PCDH8: variants seen among roughly 807,000 people sequenced by gnomAD.
PCDH8 encodes protocadherin-8.
In PCDH8, 36 loss-of-function variants were observed where a neutral mutation model predicts 58.2. The observed-to-expected ratio is 0.62, with a 90% confidence interval of 0.47 to 0.82. The LOEUF (loss-of-function observed/expected upper bound fraction) is 0.82, where lower values mean the gene tolerates loss of function less well. Among genes scored for constraint, PCDH8 ranks in the 40% least tolerant of loss-of-function variants. The pLI is 0.00. For missense variants in PCDH8, 1,493 were observed against 1,567.8 expected, an observed-to-expected ratio of 0.95 and a Z score of 0.81; for synonymous variants, 775 against 728.9, an observed-to-expected ratio of 1.06 and a Z score of -1.02.
chr13:52,845,758 C>G (rs1356708966), intron 1 of PCDH8, 48 bp downstream of exon 1: 1 of 1,503,230 alleles, frequency 6.7e-7, no homozygotes, highest in Non-Finnish European at 8.8e-7. Flanking sequence ...TTCCCCCAGC[C>G]TGTCCGCGGA....
chr13:52,848,077 G>T lies in PCDH8; in HGVS notation c.360C>A (p.His120Gln), dbSNP rs199588323. 3 of 1,612,616 alleles carry T rather than the reference G, an allele frequency of 1.9e-6. No homozygotes were observed. Among genetic ancestry groups the T allele is most frequent in the Non-Finnish European group, 8.5e-7 (1 of 1,179,742 alleles). The change falls in exon 1 of 3, where the codon CAC (histidine) becomes CAA (glutamine). Residue 120 changes from histidine to glutamine, a missense_variant. Physicochemically the swap from His to Gln is conservative, Grantham distance 24. Transcript: ENST00000377942. ...TGACGTCCCTCACCTCTACCTCCAC[G>T]TGCACCAGCCGGAACTGCTCCTGCG... Reference protein sequence around the residue: ...SFSQEQFRLVHVEVEVRDVND... With the variant: ...SFSQEQFRLVQVEVEVRDVND...
chr13:52,845,750 C>A, intron 1 of PCDH8, 56 bp downstream of exon 1: 4 of 1,506,266 alleles, frequency 2.7e-6, no homozygotes, highest in Non-Finnish European at 2.6e-6. Context: ...AGTCTCCCTT[C>A]CCCCAGCCTG....
intron 1 of PCDH8, 22 bp downstream of exon 1, chr13:52,845,783 GC>G: frequency 6.7e-7 from 1 of 1,495,528 alleles, no homozygotes. Context: ...GGAGGGGGGC[GC>G]CCAGCCGAAG....
In PCDH8 at chr13:52,847,371, T is replaced by C; in HGVS notation, c.1066A>G (p.Ile356Val). 6.6e-7 allele frequency: 1 copy of C among 1,515,552 alleles called. No homozygotes were observed. The highest frequency in any genetic ancestry group is 1.7e-4 in the Middle Eastern group (1 of 5,778). 93.9% of individuals were successfully genotyped at this position (1,515,552 alleles called of 1,614,324 possible). Residue 356 changes from isoleucine to valine, a missense_variant, in exon 1 of 3, where the codon ATC (isoleucine) becomes GTC (valine). Physicochemically the swap from Ile to Val is conservative, Grantham distance 29. Coordinates refer to ENST00000377942, the MANE Select transcript of PCDH8 (RefSeq NM_002590.4). ...DVNDNAPDIAITPLAAPGAPA... is the reference protein window; with the variant it reads ...DVNDNAPDIAVTPLAAPGAPA... ...GCGCCTGGGGCGGCCAGCGGGGTGA[T>C]GGCGATGTCGGGTGCGTTGTCATTG...
In PCDH8 at chr13:52,844,732, A is replaced by C; in HGVS notation, c.3041T>G (p.Leu1014Arg). 1 of 1,613,958 alleles carries C rather than the reference A, an allele frequency of 6.2e-7. No individual in the cohort carries two copies. The highest frequency in any genetic ancestry group is 1.1e-5 in the South Asian group (1 of 91,062). ...YQAQLPKTVG[L>R]QSVYEKVLHR... ...CAGTACTTTCTCATAGACGCTCTGCAGCCCCACTGTCTTGGGCAGCTGGGC... is the reference window on the plus strand; with the variant it reads ...CAGTACTTTCTCATAGACGCTCTGCCGCCCCACTGTCTTGGGCAGCTGGGC... The change falls in exon 3 of 3, where the codon CTG becomes CGG. Residue 1014 changes from leucine (L) to arginine (R), a missense_variant. Transcript: ENST00000377942.
chr13:52,844,415 C>G lies in PCDH8; in HGVS notation c.*145G>C. 2 of 575,494 alleles carry G rather than the reference C, an allele frequency of 3.5e-6. No individual in the cohort carries two copies. The allele number at this position is 575,494 out of a possible 1,614,324, so 35.6% of individuals were successfully genotyped here. A position where few individuals can be genotyped will look rare whatever the true frequency, so the allele number is the denominator to read the frequency against. ...TACATTTTTGTTTGCAAATACCAAA[C>G]AGTACCAATGTGATTGGAAATAGCT... On this transcript the variant is annotated 3_prime_UTR_variant, in exon 3 of 3. Transcript: ENST00000377942.
Position 52,843,337 on chromosome 13 carries a change from T to C in PCDH8, c.*1223A>G, listed in dbSNP as rs1334521965. On this transcript the variant is annotated 3_prime_UTR_variant, in exon 3 of 3. Coordinates refer to ENST00000377942, the MANE Select transcript of PCDH8 (RefSeq NM_002590.4). The stretch of plus-strand genomic sequence containing the variant: ...AATTATCAATATCTTATCAAATCGA[T>C]CTTGTTTCACATAGCTCCCTGTGTT... 6.6e-6 allele frequency: 1 copy of C among 152,190 alleles called. No individual in the cohort carries two copies. The highest frequency in any genetic ancestry group is 1.5e-5 in the Non-Finnish European group (1 of 68,028). The allele number at this position is 152,190 out of a possible 1,614,324, so 9.4% of individuals were successfully genotyped here. A position where few individuals can be genotyped will look rare whatever the true frequency, so the allele number is the denominator to read the frequency against.
In PCDH8 at chr13:52,847,225, C is replaced by G; in HGVS notation, c.1212G>C (p.Gly404=). 7.1e-7 allele frequency: 1 copy of G among 1,400,430 alleles called. No homozygotes were observed. The highest frequency in any genetic ancestry group is 9.2e-7 in the Non-Finnish European group (1 of 1,084,658). The allele number at this position is 1,400,430 out of a possible 1,614,324, so 86.8% of individuals were successfully genotyped here. A position where few individuals can be genotyped will look rare whatever the true frequency, so the allele number is the denominator to read the frequency against. Residue 404 remains glycine (G), a synonymous_variant, in exon 1 of 3, where the codon GGG becomes GGC. Transcript: ENST00000377942. ...EAGATSLVPE[G]AARESLVALV... The stretch of plus-strand genomic sequence containing the variant: ...GGGCCACCAGGCTCTCGCGCGCCGC[C>G]CCCTCCGGCACCAGCGAAGTGGCAC...
chr13:52,846,188 A>T lies in PCDH8; in HGVS notation c.2249T>A (p.Leu750Gln). 6.3e-7 allele frequency: 1 copy of T among 1,587,232 alleles called. No homozygotes were observed. The highest frequency in any genetic ancestry group is 1.1e-5 in the South Asian group (1 of 89,304). ...SGSVLQWDTP[L>Q]IVIIVLAGSC... ...CCCGGCCAGCACGATGATGACGATC[A>T]GCGGCGTGTCCCATTGCAGCACCGA... Residue 750 changes from leucine to glutamine, a missense_variant, in exon 1 of 3, where the codon CTG becomes CAG. Around this residue, in one of 3 missense-constraint regions of PCDH8, gnomAD observed 1,307 missense variants for 1,362.7 expected, o/e 0.96. Transcript: ENST00000377942.
Position 52,847,390 on chromosome 13 carries a change from G to T in PCDH8, c.1047C>A (p.Asp349Glu). 1 of 1,553,118 alleles carries T rather than the reference G, an allele frequency of 6.4e-7. No individual in the cohort carries two copies. Among genetic ancestry groups the T allele is most frequent in the Non-Finnish European group, 8.6e-7 (1 of 1,157,358 alleles). ...GGGTGATGGCGATGTCGGGTGCGTT[G>T]TCATTGACGTCTCGGATGCGCACGA... is the stretch of plus-strand genomic sequence containing the variant. ...KVIVRIRDVN[D>E]NAPDIAITPL... The change falls in exon 1 of 3, where the codon GAC (aspartate) becomes GAA (glutamate). Residue 349 changes from aspartate to glutamate, a missense_variant. This residue lies in a region of PCDH8 where 1,307 missense variants were observed against 1,362.7 expected (regional missense o/e 0.96). Coordinates refer to ENST00000377942, the MANE Select transcript of PCDH8 (RefSeq NM_002590.4).
At position 52,846,251 on chromosome 13, in the gene PCDH8, C is replaced by A. The variant is rs924126246; in HGVS notation, c.2186G>T (p.Arg729Leu). The change falls in exon 1 of 3, where the codon CGT becomes CTT. Residue 729 changes from arginine to leucine, a missense_variant. Arg to Leu is a moderately radical substitution (Grantham distance 102). Around this residue, in one of 3 missense-constraint regions of PCDH8, gnomAD observed 1,307 missense variants for 1,362.7 expected, o/e 0.96. Coordinates refer to ENST00000377942, the MANE Select transcript of PCDH8 (RefSeq NM_002590.4). ...AAPASAGSPE[R>L]SRPPGSRLGV... The stretch of plus-strand genomic sequence containing the variant: ...GAGCCGAGAGCCAGGCGGGCGGGAA[C>A]GCTCCGGGCTTCCTGCACTGGCAGG... 1.3e-6 allele frequency: 2 copies of A among 1,583,082 alleles called. No homozygotes were observed. Among genetic ancestry groups the A allele is most frequent in the South Asian group, 1.1e-5 (1 of 88,550 alleles).
In PCDH8 at chr13:52,848,584, C is replaced by T. The variant is rs984900609; in HGVS notation, c.-148G>A. ...GTAGCAGCTCCGAGCCTCCAGCGGG[C>T]TCTGAGGACGCGCGGACCCGCCCTC... On this transcript the variant is annotated 5_prime_UTR_variant, in exon 1 of 3. Transcript: ENST00000377942. 5 of 1,402,728 alleles carry T rather than the reference C, an allele frequency of 3.6e-6. No homozygotes were observed. Among genetic ancestry groups the T allele is most frequent in the Non-Finnish European group, 4.6e-6 (5 of 1,075,388 alleles). 86.9% of individuals were successfully genotyped at this position (1,402,728 alleles called of 1,614,324 possible).
chr13:52,844,496 C>G lies in PCDH8; in HGVS notation c.*64G>C, dbSNP rs1190223139. Reference sequence around the variant, plus strand: ...CATATTTATATATACAACACTGAAACCGGTCAATAACTTAGGGGCTTCTCG... The same window carrying G: ...CATATTTATATATACAACACTGAAAGCGGTCAATAACTTAGGGGCTTCTCG... On this transcript the variant is annotated 3_prime_UTR_variant, in exon 3 of 3. Coordinates refer to ENST00000377942, the MANE Select transcript of PCDH8 (RefSeq NM_002590.4). The G allele has an allele frequency of 2.1e-6, 3 of 1,396,750 alleles. No homozygotes were observed. The African/African-American group carries it at 4.3e-5, about 20-fold the overall frequency. 86.5% of individuals were successfully genotyped at this position (1,396,750 alleles called of 1,614,324 possible).
chr13:52,846,108 G>A lies in PCDH8; in HGVS notation c.2329C>T (p.Arg777Cys). The change falls in exon 1 of 3, where the codon CGC becomes TGC. Residue 777 changes from arginine to cysteine, a missense_variant. By Grantham distance (180) the Arg-to-Cys change is radical. This residue lies in a region of PCDH8 where 1,307 missense variants were observed against 1,362.7 expected (regional missense o/e 0.96). Transcript: ENST00000377942. Reference sequence around the variant, plus strand: ...CCCCCTTTGCGCACCTCCTTCTTGCGGCGGTTGCAGGTGGTGGCGATGGCG... The same window carrying A: ...CCCCCTTTGCGCACCTCCTTCTTGCAGCGGTTGCAGGTGGTGGCGATGGCG... ...IIAIATTCNR[R>C]KKEVRKGGAL... The A allele has an allele frequency of 1.3e-6, 2 of 1,579,944 alleles. No homozygotes were observed. Among genetic ancestry groups the A allele is most frequent in the Non-Finnish European group, 1.7e-6 (2 of 1,170,346 alleles).
Position 52,845,803 on chromosome 13 carries a change from C to T in PCDH8, c.2631+3G>A, listed in dbSNP as rs1377752260. On this transcript the variant is annotated splice_donor_region_variant and intron_variant, in intron 1 of 2. Coordinates refer to ENST00000377942, the MANE Select transcript of PCDH8 (RefSeq NM_002590.4). ...GGGGCGCCCAGCCGAAGGAAGGCCTCACCTCGGCGTGCGCGCCGCGGAGCC... is the reference window on the plus strand; with the variant it reads ...GGGGCGCCCAGCCGAAGGAAGGCCTTACCTCGGCGTGCGCGCCGCGGAGCC... 6.7e-7 allele frequency: 1 copy of T among 1,501,086 alleles called. No homozygotes were observed. Among genetic ancestry groups the T allele is most frequent in the Non-Finnish European group, 8.8e-7 (1 of 1,133,432 alleles). 93.0% of individuals were successfully genotyped at this position (1,501,086 alleles called of 1,614,324 possible).
Position 52,847,448 on chromosome 13 carries a change from C to A in PCDH8, c.989G>T (p.Gly330Val). The change falls in exon 1 of 3, where the codon GGA (glycine) becomes GTA (valine). Residue 330 changes from glycine to valine, a missense_variant. Gly to Val is a moderately radical substitution (Grantham distance 109). Coordinates refer to ENST00000377942, the MANE Select transcript of PCDH8 (RefSeq NM_002590.4). ...GCAGGTGGCAGCGCGGGGCCCGGGT[C>A]CGCGGTCCTGCGCCCGCACGTCCAG... ...YELDVRAQDRGPGPRAATCKV... is the reference protein window; with the variant it reads ...YELDVRAQDRVPGPRAATCKV... 1 of 1,587,830 alleles carries A rather than the reference C, an allele frequency of 6.3e-7. No individual in the cohort carries two copies. The highest frequency in any genetic ancestry group is 2.3e-5 in the East Asian group (1 of 42,582).
chr13:52,844,886 G>A lies in PCDH8; in HGVS notation c.2887C>T (p.Arg963Cys), dbSNP rs1328716563. 1.3e-6 allele frequency: 2 copies of A among 1,573,372 alleles called. No individual in the cohort carries two copies. Among genetic ancestry groups the A allele is most frequent in the South Asian group, 1.2e-5 (1 of 83,470 alleles). ...AECKILGHSD[R>C]CWSPSCSGPN... is the part of the protein sequence containing the mutation. ...CCGCTGCAGGATGGGCTCCAGCAGC[G>A]GTCAGAGTGGCCCAGGATCTTACAC... The change falls in exon 3 of 3, where the codon CGC (arginine) becomes TGC (cysteine). Residue 963 changes from arginine to cysteine, a missense_variant. By Grantham distance (180) the Arg-to-Cys change is radical. Coordinates refer to ENST00000377942, the MANE Select transcript of PCDH8 (RefSeq NM_002590.4).
At position 52,847,490 on chromosome 13, in the gene PCDH8, C is replaced by T. The variant is rs771313584; in HGVS notation, c.947G>A (p.Arg316His). The change falls in exon 1 of 3, where the codon CGT (arginine) becomes CAT (histidine). Residue 316 changes from arginine (R) to histidine (H), a missense_variant. This residue lies in a region of PCDH8 where 1,307 missense variants were observed against 1,362.7 expected (regional missense o/e 0.96). Coordinates refer to ENST00000377942, the MANE Select transcript of PCDH8 (RefSeq NM_002590.4). Reference protein sequence around the residue: ...LTLAGPVDYERQDTYELDVRA... With the variant: ...LTLAGPVDYEHQDTYELDVRA... ...CACGTCCAGCTCGTAGGTGTCCTGA[C>T]GCTCGTAGTCCACGGGCCCGGCCAG... 4 of 1,591,220 alleles carry T rather than the reference C, an allele frequency of 2.5e-6. No homozygotes were observed. The South Asian group carries it at 3.4e-5, about 13-fold the overall frequency.
chr13:52,847,019 C>T lies in PCDH8; in HGVS notation c.1418G>A (p.Gly473Asp). ...CCGCACTGTGCGCAGCGGGGGCGCGCCGCGATCCTCGGCCACCAGCGTCAA... is the reference window on the plus strand; with the variant it reads ...CCGCACTGTGCGCAGCGGGGGCGCGTCGCGATCCTCGGCCACCAGCGTCAA... ...YNLTLVAEDR[G>D]APPLRTVRPY... Residue 473 changes from glycine (G) to aspartate (D), a missense_variant, in exon 1 of 3, where the codon GGC becomes GAC. Transcript: ENST00000377942. 6.4e-7 allele frequency: 1 copy of T among 1,564,248 alleles called. No homozygotes were observed. The highest frequency in any genetic ancestry group is 1.2e-5 in the South Asian group (1 of 85,602).
Sources: allele counts gnomAD v4.1 joint callset, GRCh38; gene constraint gnomAD v4.1.1; regional missense constraint gnomAD v4.1.1; transcripts MANE v1.5; gene names NCBI Gene and HGNC (gene_info 2026-07-23, HGNC 2026-07-21).